LRBA: variants seen among roughly 807,000 people sequenced by gnomAD.
LRBA encodes lipopolysaccharide-responsive and beige-like anchor protein.
In LRBA, 176 loss-of-function variants were observed where a neutral mutation model predicts 330.0. The ratio of observed to expected loss-of-function variants is 0.53; its 90% CI spans 0.47 to 0.60. LRBA has a LOEUF of 0.60. Ranked by LOEUF, LRBA falls within the 20% of genes least tolerant of loss-of-function variation. The pLI, the probability that LRBA is intolerant of heterozygous loss-of-function variation, is 0.00. For missense variants in LRBA, 3,259 were observed against 3,444.8 expected (o/e 0.95, Z 1.35); for synonymous variants, 1,230 against 1,193.0 (o/e 1.03, Z -0.64).
intron 13 of LRBA, among the ~76,000 whole-genome samples, chr4:150,905,351 G>T (rs1731211153): frequency 6.6e-6 from 1 of 151,802 alleles, no homozygotes; most frequent in Admixed American, 6.6e-5. Flanking sequence ...GAAGGCAAAA[G>T]TGTGAAGTAA....
chr4:150,345,659 C>A (rs1736186430), intron 48 of LRBA, among the ~76,000 whole-genome samples: 1 of 152,134 alleles, frequency 6.6e-6, no homozygotes, highest in African/African-American at 2.4e-5. Flanking sequence ...GTCTGAGGAA[C>A]ACAACTAGTA....
At chr4:150,932,695 C>A (rs1483765975) in intron 2 of LRBA, among the ~76,000 whole-genome samples, 1 of 151,960 alleles carries the variant, frequency 6.6e-6, no homozygotes, top group Non-Finnish European at 1.5e-5. Flanking sequence ...GCAGGTGGAT[C>A]CCTTGAGCGC....
chr4:150,848,021 CT>C (rs532463538), intron 26 of LRBA, among the ~76,000 whole-genome samples: 100 of 145,832 alleles, frequency 6.9e-4, no homozygotes, highest in Middle Eastern at 3.5e-3. Context: ...CTCTATAACC[CT>C]TTTTTTTTTT....
At chr4:150,662,901 G>A (rs1056587349) in intron 37 of LRBA, among the ~76,000 whole-genome samples, 1 of 152,118 alleles carries the variant, frequency 6.6e-6, no homozygotes, top group Non-Finnish European at 1.5e-5. Context: ...AGACTGCTGT[G>A]AGCCAAGATT....
chr4:150,392,877 A>C (rs558864585), intron 47 of LRBA, among the ~76,000 whole-genome samples: 2 of 152,146 alleles, frequency 1.3e-5, no homozygotes, highest in South Asian at 4.2e-4. Flanking sequence ...GAGGGAGAGC[A>C]TTAGGACAAA....
At chr4:150,295,963 GTGTC>G (rs1365116311) in intron 53 of LRBA, among the ~76,000 whole-genome samples, 2 of 152,164 alleles carry the variant, frequency 1.3e-5, no homozygotes, top group African/African-American at 4.8e-5. Flanking sequence ...CTGCATATGA[GTGTC>G]TGGTAACATA....
chr4:150,646,484 G>A (rs369004376), intron 37 of LRBA, among the ~76,000 whole-genome samples: 9 of 152,046 alleles, frequency 5.9e-5, no homozygotes, highest in South Asian at 4.2e-4. Context: ...GCCAATAGGC[G>A]GTTTTTGAAA....
chr4:150,919,107 G>GTACCAAGGTACAT (rs1732963091), intron 5 of LRBA, among the ~76,000 whole-genome samples: 1 of 152,140 alleles, frequency 6.6e-6, no homozygotes, highest in South Asian at 2.1e-4. Flanking sequence ...GCTGTACCAT[G>GTACCAAGGTACAT]GATGGACCTT....
rs1011818441 is a variant in LRBA at position 150,931,303 on chromosome 4, T to TA, written c.217-2239dup. Among the ~76,000 whole-genome samples the TA allele has an allele frequency of 7.4e-5, 11 of 149,586 alleles. No homozygotes were observed. In the South Asian group the frequency reaches 1.0e-3, roughly 14 times the overall value. On this transcript the variant is annotated intron_variant, in intron 2 of 56. Coordinates refer to ENST00000651943, the MANE Select transcript of LRBA (RefSeq NM_001364905.1). ...TACAGATATCACTCATAAAAAGATT[T>TA]AAAAAAAGGCATGTATATGAATAAG... is the stretch of plus-strand genomic sequence containing the variant.
At chr4:150,315,527 T>C (rs544488382) in intron 51 of LRBA, 34 bp downstream of exon 51, 10 of 1,574,564 alleles carry the variant, frequency 6.4e-6, no homozygotes, top group Non-Finnish European at 8.7e-6. Flanking sequence ...ATACAGAGCT[T>C]AATGAATCGC....
chr4:150,657,677 ATAATAGAGTAGAACAAAGTACTT>A (rs1290000991), intron 37 of LRBA, among the ~76,000 whole-genome samples: 1 of 152,086 alleles, frequency 6.6e-6, no homozygotes, highest in Non-Finnish European at 1.5e-5. Flanking sequence ...TCTTAAAGAT[ATAATAGAGTAGAACAAAGTACTT>A]TAATGTTTCG....
chr4:151,011,426 C>T (rs549716913), intron 2 of LRBA, among the ~76,000 whole-genome samples: 11 of 151,918 alleles, frequency 7.2e-5, no homozygotes, highest in African/African-American at 2.2e-4. Flanking sequence ...GGTGAAACCC[C>T]GCCTCTACCA....
At chr4:150,381,652 T>C (rs1009604341) in intron 47 of LRBA, among the ~76,000 whole-genome samples, 1 of 151,166 alleles carries the variant, frequency 6.6e-6, no homozygotes, top group South Asian at 2.1e-4. Context: ...CTAATGCTGC[T>C]ATAAACATTA....
At chr4:150,563,341 A>G (rs1459384399) in intron 40 of LRBA, among the ~76,000 whole-genome samples, 2 of 152,226 alleles carry the variant, frequency 1.3e-5, no homozygotes, top group Non-Finnish European at 2.9e-5. Context: ...GGCCTTCGAT[A>G]AAATTCAAAC....
At chr4:150,508,756 A>C (rs1210951536) in intron 40 of LRBA, among the ~76,000 whole-genome samples, 1 of 152,250 alleles carries the variant, frequency 6.6e-6, no homozygotes, top group Non-Finnish European at 1.5e-5. Flanking sequence ...GAAGAAACAC[A>C]TGAACCCACA....
At chr4:150,295,653 A>C (rs887093446) in intron 53 of LRBA, among the ~76,000 whole-genome samples, 3 of 152,230 alleles carry the variant, frequency 2.0e-5, no homozygotes, top group Admixed American at 2.0e-4. Context: ...TGATCATTTC[A>C]TACTTTTTCT....
rs1225617390 is a variant in LRBA at position 150,370,168 on chromosome 4, C to T, written c.7195-20009G>A. Among the ~76,000 whole-genome samples, 4 of 152,160 alleles carry T rather than the reference C, an allele frequency of 2.6e-5. No individual in the cohort carries two copies. In the East Asian group the frequency reaches 7.7e-4, roughly 29 times the overall value. On this transcript the variant is annotated intron_variant, in intron 47 of 56. Transcript: ENST00000651943. ...AACATTCTCTTACCATATGATCTAG[C>T]AGTTGCACTCTTTGGTACTTACCCA...
At chr4:150,476,630 C>A (rs1397376804) in intron 42 of LRBA, among the ~76,000 whole-genome samples, 6 of 152,156 alleles carry the variant, frequency 3.9e-5, no homozygotes. Flanking sequence ...GCTGTTATAA[C>A]CCCTGATATG....
chr4:150,628,913 T>A (rs1269704655), intron 37 of LRBA, among the ~76,000 whole-genome samples: 2 of 152,194 alleles, frequency 1.3e-5, no homozygotes, highest in Non-Finnish European at 2.9e-5. Flanking sequence ...TTTTTGCTGT[T>A]GTTTTTGAGA....
Sources: gnomAD v4.1 joint callset for allele counts (sites outside exome capture counted in the v4.1 genomes callset) on GRCh38, gnomAD v4.1.1 for gene constraint, MANE v1.5 for transcripts, NCBI Gene and HGNC (gene_info 2026-07-23, HGNC 2026-07-21) for gene names.